The following PYY variants were observed in gnomAD, a reference collection of about 807,000 sequenced individuals.
The protein encoded by PYY is peptide YY, also known as peptide tyrosine tyrosine.
Under a neutral mutation model 10.3 loss-of-function variants are expected in PYY, and 12 were observed. The observed-to-expected ratio is 1.17, with a 90% CI of 0.75 to 1.89. The LOEUF (loss-of-function observed/expected upper bound fraction) is 1.89. Ranked by LOEUF, PYY falls within the 40% of genes most tolerant of loss-of-function variation. The pLI is 0.00. For synonymous variants in PYY, 66 were observed against 62.0 expected (o/e 1.06, Z -0.30); for missense variants, 141 against 134.0 (o/e 1.05, Z -0.26).
chr17:43,994,200 A>C (rs2048975681), intron 1 of PYY, among the ~76,000 whole-genome samples: 1 of 152,090 alleles, frequency 6.6e-6, no homozygotes. Context: ...TGCTGTAACC[A>C]TCAGCCCCCT....
chr17:43,963,507 C>CAAA (rs56079292), intron 2 of PYY, among the ~76,000 whole-genome samples: 2 of 76,966 alleles, frequency 2.6e-5, no homozygotes, highest in Admixed American at 3.2e-4. Flanking sequence ...AACTCCATCT[C>CAAA]AAAAAAAAAA....
Position 43,953,336 on chromosome 17 carries a change from C to T in PYY, c.148G>A (p.Ala50Thr), listed in dbSNP as rs1156901454. The change falls in exon 2 of 4, where the codon GCC becomes ACC. Residue 50 changes from alanine (A) to threonine (T), a missense_variant. By Grantham distance (58) the Ala-to-Thr change is moderately conservative. Transcript: ENST00000692052. Reference sequence around the variant, plus strand: ...AGGTTGAGGTAGTGGCGCAGGGAGGCGTAGTAGCGGTTCAGCTCCTCCGGC... The same window carrying T: ...AGGTTGAGGTAGTGGCGCAGGGAGGTGTAGTAGCGGTTCAGCTCCTCCGGC... Reference protein sequence around the residue: ...ASPEELNRYYASLRHYLNLVT... With the variant: ...ASPEELNRYYTSLRHYLNLVT... 1.9e-6 allele frequency: 3 copies of T among 1,612,668 alleles called. No individual in the cohort carries two copies. Among genetic ancestry groups the T allele is most frequent in the African/African-American group, 2.7e-5 (2 of 74,896 alleles).
chr17:43,960,778 A>G (rs950997239), intron 2 of PYY, among the ~76,000 whole-genome samples: 5 of 147,906 alleles, frequency 3.4e-5, no homozygotes, highest in Non-Finnish European at 7.4e-5. Flanking sequence ...TGAACCCAGG[A>G]GGCGGGGATT....
Position 43,952,893 on chromosome 17 carries a change from G to T in PYY, c.*63C>A, listed in dbSNP as rs1326378280. The T allele has an allele frequency of 8.1e-6, 12 of 1,482,340 alleles. No individual in the cohort carries two copies. The highest frequency in any genetic ancestry group is 1.4e-5 in the African/African-American group (1 of 69,084). 91.8% of individuals were successfully genotyped at this position (1,482,340 alleles called of 1,614,324 possible). On this transcript the variant is annotated 3_prime_UTR_variant, in exon 4 of 4. Coordinates refer to ENST00000692052, the MANE Select transcript of PYY (RefSeq NM_001394028.1). The stretch of plus-strand genomic sequence containing the variant: ...AGGCAGAATCCGGGTTTCTGGGGTC[G>T]GGAGTGCGTATGCAAATGACGTGGG...
chr17:43,954,360 T>C (rs1051138711), upstream of PYY, among the ~76,000 whole-genome samples: 9 of 152,192 alleles, frequency 5.9e-5, no homozygotes, highest in African/African-American at 2.2e-4. Flanking sequence ...GTGTGACCAC[T>C]CTTTCCAAAA....
intron 1 of PYY, among the ~76,000 whole-genome samples, chr17:43,985,029 G>A (rs2048907287): frequency 6.6e-6 from 1 of 152,030 alleles, no homozygotes; most frequent in African/African-American, 2.4e-5. Context: ...TAAATTTGAC[G>A]ACATTAAAAT....
intron 2 of PYY, among the ~76,000 whole-genome samples, chr17:43,965,986 C>A (rs982153377): frequency 2.0e-5 from 3 of 151,770 alleles, no homozygotes; most frequent in African/African-American, 7.3e-5. Flanking sequence ...TTGTCATCTA[C>A]CCCCAAGATT....
chr17:43,971,392 A>T (rs568921695), intron 1 of PYY, among the ~76,000 whole-genome samples: 2 of 152,196 alleles, frequency 1.3e-5, no homozygotes, highest in African/African-American at 4.8e-5. Context: ...CAGTATGGTG[A>T]AACCCCATCT....
intron 1 of PYY, among the ~76,000 whole-genome samples, chr17:44,003,758 G>A (rs1468243038): frequency 6.6e-6 from 1 of 151,680 alleles, no homozygotes; most frequent in Admixed American, 6.6e-5. Flanking sequence ...AGAAGTGGGA[G>A]GACTGCTTGA....
intron 1 of PYY, among the ~76,000 whole-genome samples, chr17:43,997,997 G>A (rs1357567936): frequency 6.6e-6 from 1 of 151,970 alleles, no homozygotes; most frequent in East Asian, 1.9e-4. Context: ...GGAGTGCAGT[G>A]GCAAGATCTC....
intron 1 of PYY, among the ~76,000 whole-genome samples, chr17:43,967,290 G>A (rs902603869): frequency 2.6e-5 from 4 of 152,164 alleles, no homozygotes; most frequent in Non-Finnish European, 5.9e-5. Context: ...ATGACAGAGT[G>A]AGACTCTGTC....
chr17:43,974,166 T>C (rs1361225768), intron 1 of PYY, among the ~76,000 whole-genome samples: 7 of 152,088 alleles, frequency 4.6e-5, no homozygotes, highest in Non-Finnish European at 1.0e-4. Context: ...GCCATTTACA[T>C]GGGATAAAGG....
At chr17:43,988,959 G>A (rs1245467619) in intron 1 of PYY, among the ~76,000 whole-genome samples, 17 of 151,770 alleles carry the variant, frequency 1.1e-4, no homozygotes, top group Non-Finnish European at 2.4e-4. Context: ...ACAGGGTTTC[G>A]CCATGTTGGC....
chr17:44,003,219 G>A (rs1400849176), intron 1 of PYY, among the ~76,000 whole-genome samples: 2 of 152,010 alleles, frequency 1.3e-5, no homozygotes, highest in Non-Finnish European at 2.9e-5. Context: ...TTTTAGTAGA[G>A]ATGGGGTTTC....
intron 1 of PYY, among the ~76,000 whole-genome samples, chr17:43,999,708 C>T (rs1409654615): frequency 6.7e-6 from 1 of 149,864 alleles, no homozygotes; most frequent in African/African-American, 2.5e-5. Flanking sequence ...GCAGAGGTTG[C>T]AGTGAGCTGA....
intron 1 of PYY, among the ~76,000 whole-genome samples, chr17:43,976,397 G>C (rs190825182): frequency 7.3e-6 from 1 of 136,298 alleles, no homozygotes; most frequent in Admixed American, 7.4e-5. Flanking sequence ...ATACATATAC[G>C]TATATACATA....
At chr17:43,959,220 T>G (rs1284127857) in intron 2 of PYY, among the ~76,000 whole-genome samples, 1 of 152,260 alleles carries the variant, frequency 6.6e-6, no homozygotes, top group African/African-American at 2.4e-5. Flanking sequence ...TGTATGTGTC[T>G]TTATGATTGC....
At chr17:43,979,098 C>G (rs432827) in intron 1 of PYY, among the ~76,000 whole-genome samples, 1 of 152,208 alleles carries the variant, frequency 6.6e-6, no homozygotes, top group East Asian at 1.9e-4. Context: ...CAAAAGGCCT[C>G]TAGGCTTTTT....
At chr17:43,983,065 CTACTAAAAATA>C (rs2048893689) in intron 1 of PYY, among the ~76,000 whole-genome samples, 1 of 152,040 alleles carries the variant, frequency 6.6e-6, no homozygotes, top group Non-Finnish European at 1.5e-5. Flanking sequence ...AACCCCGTCT[CTACTAAAAATA>C]TAAAAATGAG....
Sources: allele counts gnomAD v4.1 joint callset (sites outside exome capture counted in the v4.1 genomes callset), GRCh38; gene constraint gnomAD v4.1.1; transcripts MANE v1.5; gene names NCBI Gene and HGNC (gene_info 2026-07-23, HGNC 2026-07-21).